Variants in ESCO1 observed in about 807,000 individuals in gnomAD.
ESCO1 encodes the protein N-acetyltransferase ESCO1.
A neutral mutation model predicts 83.5 loss-of-function variants in ESCO1; 33 were observed. That is an observed-to-expected ratio of 0.40 (90% CI 0.30 to 0.53). The LOEUF is 0.53. ESCO1 is among the 20% of genes least tolerant of loss of function. The pLI is 0.63. For missense variants in ESCO1, 855 were observed against 968.0 expected (o/e 0.88, Z 1.55); for synonymous variants, 332 against 324.3 (o/e 1.02, Z -0.25).
At position 21,540,716 on chromosome 18, in the gene ESCO1, AAAC is replaced by A. The variant is rs770695867; in HGVS notation, c.1954-710_1954-708del. 6 of 1,265,704 alleles carry A rather than the reference AAAC, an allele frequency of 4.7e-6. No individual in the cohort carries two copies. In the East Asian group the frequency reaches 1.6e-4, roughly 34 times the overall value. The allele number at this position is 1,265,704 out of a possible 1,614,324, so 78.4% of individuals were successfully genotyped here. A position where few individuals can be genotyped will look rare whatever the true frequency, so the allele number is the denominator to read the frequency against. On this transcript the variant is annotated intron_variant, in intron 8 of 11. Transcript: ENST00000269214. ...TGAGCAGAACCTGCATAAAAAAACA[AAAC>A]AAAACAAAAGCCACTTAAATCTAGT...
intron 8 of ESCO1, among the ~76,000 whole-genome samples, chr18:21,541,851 G>T (rs1277341366): frequency 6.6e-6 from 1 of 152,110 alleles, no homozygotes. Flanking sequence ...TTCCTGAACT[G>T]AATCATCTAA....
chr18:21,594,521 T>A (rs1201763714), intron 1 of ESCO1, among the ~76,000 whole-genome samples: 3 of 152,114 alleles, frequency 2.0e-5, no homozygotes, highest in Non-Finnish European at 4.4e-5. Context: ...CTGGCCAACA[T>A]GGCGAAACCC....
At chr18:21,532,082 T>G (rs1241705803) in intron 11 of ESCO1, among the ~76,000 whole-genome samples, 1 of 152,102 alleles carries the variant, frequency 6.6e-6, no homozygotes, top group East Asian at 1.9e-4. Context: ...ATTTTGATAG[T>G]TTACAAATAA....
At chr18:21,542,213 T>C (rs2037915962) in intron 8 of ESCO1, among the ~76,000 whole-genome samples, 1 of 152,102 alleles carries the variant, frequency 6.6e-6, no homozygotes, top group Non-Finnish European at 1.5e-5. Context: ...TGAGACAGAG[T>C]CTCACTCTGT....
Position 21,573,470 on chromosome 18 carries a change from A to T in ESCO1, c.1374T>A (p.Ile458=). 2 of 1,612,004 alleles carry T rather than the reference A, an allele frequency of 1.2e-6. No individual in the cohort carries two copies. Among genetic ancestry groups the T allele is most frequent in the Non-Finnish European group, 1.7e-6 (2 of 1,179,602 alleles). ...CATTAATTTTCACTTCTTCAGAATT[A>T]ATTTCTTTCATTTTTTCCTGCTGGC... The part of the protein sequence containing the change: ...ITCQQEKMKE[I]NSEEVKINDI... The change falls in exon 4 of 12, where the codon ATT becomes ATA. Residue 458 remains isoleucine (I), a synonymous_variant. Transcript: ENST00000269214.
At chr18:21,550,904 A>G (rs1279049428) in intron 8 of ESCO1, among the ~76,000 whole-genome samples, 1 of 151,924 alleles carries the variant, frequency 6.6e-6, no homozygotes, top group Non-Finnish European at 1.5e-5. Context: ...CGAGGTCAGG[A>G]AATCAAGACC....
intron 8 of ESCO1, among the ~76,000 whole-genome samples, chr18:21,553,201 G>A (rs2146190077): frequency 6.6e-6 from 1 of 152,138 alleles, no homozygotes; most frequent in Non-Finnish European, 1.5e-5. Flanking sequence ...AAGATAGGAG[G>A]ATTGCTTGAG....
chr18:21,587,274 C>G (rs527390951), intron 1 of ESCO1, among the ~76,000 whole-genome samples: 3 of 152,278 alleles, frequency 2.0e-5, no homozygotes, highest in African/African-American at 7.2e-5. Context: ...ATACCAGCCT[C>G]ATAAAATGAA....
intron 4 of ESCO1, among the ~76,000 whole-genome samples, chr18:21,568,903 A>C (rs2038299770): frequency 9.5e-6 from 1 of 105,260 alleles, no homozygotes; most frequent in Non-Finnish European, 2.4e-5. Flanking sequence ...ACTCCATCTC[A>C]AAAAAAAAAA....
At position 21,574,919 on chromosome 18, in the gene ESCO1, G is replaced by T; in HGVS notation, c.-76C>A. 1.8e-6 allele frequency: 2 copies of T among 1,134,990 alleles called. No individual in the cohort carries two copies. The highest frequency in any genetic ancestry group is 1.6e-5 in the South Asian group (1 of 62,050). 70.3% of individuals were successfully genotyped at this position (1,134,990 alleles called of 1,614,324 possible). On this transcript the variant is annotated 5_prime_UTR_variant, in exon 4 of 12. Coordinates refer to ENST00000269214, the MANE Select transcript of ESCO1 (RefSeq NM_052911.3). ...TCCTGGTAGGCGTGAATGCTGACTA[G>T]CTAGTATTATTACTGAGGAGCAGGT... is the stretch of plus-strand genomic sequence containing the variant.
At chr18:21,587,087 C>T (rs963061702) in intron 1 of ESCO1, among the ~76,000 whole-genome samples, 1 of 152,106 alleles carries the variant, frequency 6.6e-6, no homozygotes, top group Non-Finnish European at 1.5e-5. Context: ...GGGATAAATG[C>T]AACTTGGTCA....
rs779222586 is a variant in ESCO1 at position 21,574,803 on chromosome 18, T to C, written c.41A>G (p.Lys14Arg). 8 of 1,595,998 alleles carry C rather than the reference T, an allele frequency of 5.0e-6. No homozygotes were observed. Among genetic ancestry groups the C allele is most frequent in the Non-Finnish European group, 6.8e-6 (8 of 1,178,556 alleles). The change falls in exon 4 of 12, where the codon AAA (lysine) becomes AGA (arginine). Residue 14 changes from lysine (K) to arginine (R), a missense_variant. Coordinates refer to ENST00000269214, the MANE Select transcript of ESCO1 (RefSeq NM_052911.3). ...CTTATCGTCACTTTTTTTAGTAACTTTGGAGGAATTCTCTTTTGATTTCTC... is the reference window on the plus strand; with the variant it reads ...CTTATCGTCACTTTTTTTAGTAACTCTGGAGGAATTCTCTTTTGATTTCTC... Reference protein sequence around the residue: ...IQEKSKENSSKVTKKSDDKNS... With the variant: ...IQEKSKENSSRVTKKSDDKNS...
Position 21,574,330 on chromosome 18 carries a change from G to T in ESCO1, c.514C>A (p.Gln172Lys). ...STQSKSNKTSQKHVKRKVLEV... is the reference protein window; with the variant it reads ...STQSKSNKTSKKHVKRKVLEV... Reference sequence around the variant, plus strand: ...AGTACTTTTCTCTTCACATGTTTTTGACTTGTTTTATTAGATTTACTCTGA... The same window carrying T: ...AGTACTTTTCTCTTCACATGTTTTTTACTTGTTTTATTAGATTTACTCTGA... The change falls in exon 4 of 12, where the codon CAA (glutamine) becomes AAA (lysine). Residue 172 changes from glutamine to lysine, a missense_variant. Physicochemically the swap from Gln to Lys is moderately conservative, Grantham distance 53. Coordinates refer to ENST00000269214, the MANE Select transcript of ESCO1 (RefSeq NM_052911.3). 6.2e-7 allele frequency: 1 copy of T among 1,613,452 alleles called. No homozygotes were observed. Among genetic ancestry groups the T allele is most frequent in the South Asian group, 1.1e-5 (1 of 90,988 alleles).
chr18:21,544,757 T>C (rs943951520), intron 8 of ESCO1, among the ~76,000 whole-genome samples: 1 of 152,282 alleles, frequency 6.6e-6, no homozygotes, highest in African/African-American at 2.4e-5. Context: ...AGGTGATCAG[T>C]ACAAAGGGGT....
At chr18:21,530,914 T>C (rs1253092512) in intron 11 of ESCO1, among the ~76,000 whole-genome samples, 1 of 152,044 alleles carries the variant, frequency 6.6e-6, no homozygotes, top group Non-Finnish European at 1.5e-5. Flanking sequence ...GAAATAAAAA[T>C]CATCCAGATT....
Position 21,564,223 on chromosome 18 carries a change from C to A in ESCO1, c.1801G>T (p.Asp601Tyr). Residue 601 changes from aspartate (D) to tyrosine (Y), a missense_variant, in exon 7 of 12, where the codon GAT (aspartate) becomes TAT (tyrosine). This residue lies in a region of ESCO1 where 726 missense variants were observed against 699.5 expected (regional missense o/e 1.04). Transcript: ENST00000269214. ...DLKLKEAEKT[D>Y]EKQLIIDAGQ... ...CTTACTATAATCAACTGTTTTTCATCAGTTTTCTCTGCTTCTTTTAGTTTC... is the reference window on the plus strand; with the variant it reads ...CTTACTATAATCAACTGTTTTTCATAAGTTTTCTCTGCTTCTTTTAGTTTC... The A allele has an allele frequency of 6.2e-7, 1 of 1,603,230 alleles. No individual in the cohort carries two copies. Among genetic ancestry groups the A allele is most frequent in the Non-Finnish European group, 8.5e-7 (1 of 1,173,454 alleles).
chr18:21,562,874 ATT>A (rs563652674), intron 7 of ESCO1, among the ~76,000 whole-genome samples: 2 of 143,886 alleles, frequency 1.4e-5, no homozygotes, highest in Admixed American at 7.0e-5. Flanking sequence ...CCATGTTATT[ATT>A]TTTTTTTTTT....
chr18:21,592,248 C>T (rs1347243892), intron 1 of ESCO1, among the ~76,000 whole-genome samples: 5 of 149,818 alleles, frequency 3.3e-5, no homozygotes, highest in East Asian at 4.1e-4. Context: ...TAGGGGCGGC[C>T]GGGCAGAGGC....
chr18:21,568,018 C>T lies in ESCO1; in HGVS notation c.1607G>A (p.Ser536Asn). The change falls in exon 5 of 12, where the codon AGT (serine) becomes AAT (asparagine). Residue 536 changes from serine (S) to asparagine (N), a missense_variant. This residue lies in a region of ESCO1 where 726 missense variants were observed against 699.5 expected (regional missense o/e 1.04). Coordinates refer to ENST00000269214, the MANE Select transcript of ESCO1 (RefSeq NM_052911.3). ...ENVTAASTLL[S>N]QAKIDTGENK... ...CTCTCCTGTATCAATTTTTGCTTGA[C>T]TGAGCAGAGTCGAAGCAGCAGTAAC... The T allele has an allele frequency of 1.2e-6, 2 of 1,613,652 alleles. No individual in the cohort carries two copies. The highest frequency in any genetic ancestry group is 1.1e-5 in the South Asian group (1 of 91,016).
Sources: allele counts gnomAD v4.1 joint callset (sites outside exome capture counted in the v4.1 genomes callset), GRCh38; gene constraint gnomAD v4.1.1; regional missense constraint gnomAD v4.1.1; transcripts MANE v1.5; gene names NCBI Gene and HGNC (gene_info 2026-07-23, HGNC 2026-07-21).